The following LRRN1 variants were observed in gnomAD, a reference collection of about 807,000 sequenced individuals.
LRRN1 encodes leucine-rich repeat neuronal protein 1.
A neutral mutation model predicts 45.8 loss-of-function variants in LRRN1; 14 were observed. The ratio of observed to expected loss-of-function variants is 0.31; its 90% confidence interval spans 0.20 to 0.48. LRRN1 has a LOEUF of 0.48. LRRN1 is among the 20% of genes least tolerant of loss of function. The pLI is 0.99. For synonymous variants in LRRN1, 359 were observed against 330.1 expected, an observed-to-expected ratio of 1.09 and a Z score of -0.95; for missense variants, 789 against 874.2, an observed-to-expected ratio of 0.90 and a Z score of 1.23.
chr3:3,836,335 A>G (rs1182312336), intron 1 of LRRN1, among the ~76,000 whole-genome samples: 6 of 152,164 alleles, frequency 3.9e-5, no homozygotes, highest in African/African-American at 2.4e-5. Context: ...CTTTATTCCT[A>G]TTAAACACTA....
intron 1 of LRRN1, among the ~76,000 whole-genome samples, chr3:3,811,359 C>T (rs1575281243): frequency 6.6e-6 from 1 of 152,142 alleles, no homozygotes; most frequent in Admixed American, 6.5e-5. Flanking sequence ...GTAGTACCAC[C>T]ACCACCAAGC....
intron 1 of LRRN1, among the ~76,000 whole-genome samples, chr3:3,807,557 C>T (rs1559281320): frequency 1.3e-5 from 2 of 152,126 alleles, no homozygotes; most frequent in Non-Finnish European, 2.9e-5. Context: ...TGGAGAGAAC[C>T]TTCCCTCAAG....
chr3:3,811,278 A>G (rs914785767), intron 1 of LRRN1, among the ~76,000 whole-genome samples: 5 of 152,314 alleles, frequency 3.3e-5, no homozygotes, highest in African/African-American at 4.8e-5. Flanking sequence ...AGTTAGTCAC[A>G]TTGTCCTTGA....
intron 1 of LRRN1, among the ~76,000 whole-genome samples, chr3:3,807,356 TTTCA>T (rs1276808043): frequency 6.6e-6 from 1 of 152,182 alleles, no homozygotes; most frequent in Non-Finnish European, 1.5e-5. Flanking sequence ...CATTTTCTGT[TTTCA>T]TTGATTTTTG....
At chr3:3,833,347 A>G (rs1305971948) in intron 1 of LRRN1, among the ~76,000 whole-genome samples, 1 of 152,186 alleles carries the variant, frequency 6.6e-6, no homozygotes, top group East Asian at 1.9e-4. Flanking sequence ...AACCAAGCAA[A>G]TAAACTATTA....
At position 3,845,999 on chromosome 3, in the gene LRRN1, C is replaced by A. The variant is rs751455824; in HGVS notation, c.1358C>A (p.Pro453Gln). ...VFLDCRAMAEPEPEIYWVTPI... is the reference protein window; with the variant it reads ...VFLDCRAMAEQEPEIYWVTPI... ...CTAGACTGTCGAGCCATGGCTGAGC[C>A]AGAACCTGAAATTTACTGGGTCACT... The change falls in exon 2 of 2, where the codon CCA becomes CAA. Residue 453 changes from proline (P) to glutamine (Q), a missense_variant. By Grantham distance (76) the Pro-to-Gln change is moderately conservative. Coordinates refer to ENST00000319331, the MANE Select transcript of LRRN1 (RefSeq NM_020873.7). The surrounding 1 kb of genome is among the most constrained non-coding windows in gnomAD (Gnocchi z 6.5). 6.2e-7 allele frequency: 1 copy of A among 1,613,900 alleles called. No homozygotes were observed. The highest frequency in any genetic ancestry group is 2.2e-5 in the East Asian group (1 of 44,852).
rs367980574 is a variant in LRRN1 at position 3,845,630 on chromosome 3, G to T, written c.989G>T (p.Arg330Leu). The T allele has an allele frequency of 6.2e-7, 1 of 1,613,958 alleles. No homozygotes were observed. Among genetic ancestry groups the T allele is most frequent in the East Asian group, 2.2e-5 (1 of 44,846 alleles). The part of the protein sequence containing the change: ...TNNPKLSYIH[R>L]LAFRSVPALE... ...AACCCTAAACTCTCTTACATCCACC[G>T]CTTGGCTTTCCGAAGTGTCCCTGCT... Residue 330 changes from arginine (R) to leucine (L), a missense_variant, in exon 2 of 2, where the codon CGC (arginine) becomes CTC (leucine). Coordinates refer to ENST00000319331, the MANE Select transcript of LRRN1 (RefSeq NM_020873.7). This position sits in a 1 kb window ranked among gnomAD's most constrained non-coding sequence, Gnocchi z 6.5.
chr3:3,823,136 G>A (rs762409957), intron 1 of LRRN1, among the ~76,000 whole-genome samples: 1 of 152,020 alleles, frequency 6.6e-6, no homozygotes, highest in Non-Finnish European at 1.5e-5. Context: ...TTGGCTTCAA[G>A]AGCTATAAAT....
At position 3,846,836 on chromosome 3, in the gene LRRN1, T is replaced by A; in HGVS notation, c.*44T>A. On this transcript the variant is annotated 3_prime_UTR_variant, in exon 2 of 2. Coordinates refer to ENST00000319331, the MANE Select transcript of LRRN1 (RefSeq NM_020873.7). This position sits in a 1 kb window ranked among gnomAD's most constrained non-coding sequence, Gnocchi z 5.7. ...TCTGGTAGTAAGGAGCACAAAGACG[T>A]TTTTGCTTTATTCTGCAAAAGTGAA... is the stretch of plus-strand genomic sequence containing the variant. 1.4e-6 allele frequency: 2 copies of A among 1,480,454 alleles called. No homozygotes were observed. Among genetic ancestry groups the A allele is most frequent in the Non-Finnish European group, 1.8e-6 (2 of 1,096,084 alleles). 91.7% of individuals were successfully genotyped at this position (1,480,454 alleles called of 1,614,324 possible). A position where few individuals can be genotyped will look rare whatever the true frequency, so the allele number is the denominator to read the frequency against.
chr3:3,824,809 A>G (rs572194932), intron 1 of LRRN1, among the ~76,000 whole-genome samples: 7 of 152,306 alleles, frequency 4.6e-5, no homozygotes, highest in African/African-American at 1.7e-4. Flanking sequence ...GGGATTGTCT[A>G]TCTAGAGTGC....
chr3:3,800,152 A>T (rs1218155170), intron 1 of LRRN1, among the ~76,000 whole-genome samples: 2 of 151,960 alleles, frequency 1.3e-5, no homozygotes, highest in African/African-American at 4.8e-5. Flanking sequence ...AAAAAAAAAA[A>T]AAAAGGTGTG....
intron 1 of LRRN1, among the ~76,000 whole-genome samples, chr3:3,810,443 C>T (rs1336644161): frequency 6.6e-6 from 1 of 152,194 alleles, no homozygotes; most frequent in Non-Finnish European, 1.5e-5. Context: ...TCATCGTCAT[C>T]ATACAATATC....
chr3:3,836,044 A>G (rs1419596683), intron 1 of LRRN1, among the ~76,000 whole-genome samples: 2 of 152,098 alleles, frequency 1.3e-5, no homozygotes, highest in East Asian at 3.9e-4. Flanking sequence ...TTCTTCTTAC[A>G]TTTGATAGAT....
rs764793365 is a variant in LRRN1 at position 3,845,008 on chromosome 3, A to G, written c.367A>G (p.Thr123Ala). The G allele has an allele frequency of 2.7e-5, 43 of 1,614,042 alleles. No homozygotes were observed. The highest frequency in any genetic ancestry group is 3.1e-5 in the Non-Finnish European group (37 of 1,180,038). ...VGLANLTQLTTLHLEENQITE... is the reference protein window; with the variant it reads ...VGLANLTQLTALHLEENQITE... The stretch of plus-strand genomic sequence containing the variant: ...GCTGGCAAACCTAACCCAGCTCACA[A>G]CGCTGCATTTGGAGGAAAATCAGAT... Residue 123 changes from threonine (T) to alanine (A), a missense_variant, in exon 2 of 2, where the codon ACG becomes GCG. Transcript: ENST00000319331. The surrounding 1 kb of genome is among the most constrained non-coding windows in gnomAD (Gnocchi z 6.5).
At chr3:3,800,590 AG>A (rs1692627613) in intron 1 of LRRN1, 1 of 145,490 alleles carries the variant, frequency 6.9e-6, no homozygotes, top group Non-Finnish European at 1.5e-5. Flanking sequence ...GACAGACCTC[AG>A]CCCGTGAGCC....
Position 3,845,474 on chromosome 3 carries a change from T to C in LRRN1, c.833T>C (p.Ile278Thr), listed in dbSNP as rs1693747712. Residue 278 changes from isoleucine to threonine, a missense_variant, in exon 2 of 2, where the codon ATC becomes ACC. Physicochemically the swap from Ile to Thr is moderately conservative, Grantham distance 89. Transcript: ENST00000319331. This position sits in a 1 kb window ranked among gnomAD's most constrained non-coding sequence, Gnocchi z 6.5. ...LDLNKNPIHKIQEGDFKNMLR... is the reference protein window; with the variant it reads ...LDLNKNPIHKTQEGDFKNMLR... ...CTCAACAAAAACCCCATTCACAAAA[T>C]CCAAGAAGGGGACTTCAAAAATATG... The C allele has an allele frequency of 1.9e-6, 3 of 1,613,964 alleles. No individual in the cohort carries two copies. Among genetic ancestry groups the C allele is most frequent in the Non-Finnish European group, 2.5e-6 (3 of 1,179,976 alleles).
chr3:3,814,054 C>G (rs1387295402), intron 1 of LRRN1, among the ~76,000 whole-genome samples: 1 of 151,782 alleles, frequency 6.6e-6, no homozygotes, highest in East Asian at 1.9e-4. Flanking sequence ...ATAGATGCCT[C>G]TCTAGTTATA....
intron 1 of LRRN1, among the ~76,000 whole-genome samples, chr3:3,813,715 A>G (rs1362758512): frequency 6.6e-6 from 1 of 152,120 alleles, no homozygotes; most frequent in Non-Finnish European, 1.5e-5. Flanking sequence ...ACATCACCGA[A>G]GGAGCAAGAG....
intron 1 of LRRN1, among the ~76,000 whole-genome samples, chr3:3,818,923 G>A (rs1162956447): frequency 6.6e-6 from 1 of 152,058 alleles, no homozygotes; most frequent in African/African-American, 2.4e-5. Context: ...AGGACTCTAA[G>A]TATTTGATAA....
Sources: allele counts gnomAD v4.1 joint callset (sites outside exome capture counted in the v4.1 genomes callset), GRCh38; gene constraint gnomAD v4.1.1; non-coding constraint Gnocchi (gnomAD v3.1); transcripts MANE v1.5; gene names NCBI Gene and HGNC (gene_info 2026-07-23, HGNC 2026-07-21).